Variants in ERC1 observed in about 807,000 individuals in gnomAD.
The protein encoded by ERC1 is RAB6 interacting protein 2.
ERC1 carries 56 observed loss-of-function variants against 132.0 expected under a neutral mutation model. The ratio of observed to expected loss-of-function variants is 0.42; its 90% confidence interval spans 0.34 to 0.53. The LOEUF (loss-of-function observed/expected upper bound fraction) is 0.53. Ranked by LOEUF, ERC1 falls within the 20% of genes least tolerant of loss-of-function variation. The pLI is 0.03. For synonymous variants in ERC1, 478 were observed against 476.1 expected (o/e 1.00, Z -0.05); for missense variants, 1,202 against 1,349.9 (o/e 0.89, Z 1.72).
In ERC1 at chr12:1,410,828, T is replaced by C. The variant is rs1565378647; in HGVS notation, c.3024+2581T>C. ...TAGTAATTTTATATGAAATTGGCAA[T>C]AGAAAATTGATCAAGTACTTTGCTC... On this transcript the variant is annotated intron_variant, in intron 17 of 18. Transcript: ENST00000360905. Among the ~76,000 whole-genome samples, 3 of 152,088 alleles carry C rather than the reference T, an allele frequency of 2.0e-5. No individual in the cohort carries two copies. In the East Asian group the frequency reaches 5.8e-4, roughly 29 times the overall value.
chr12:1,204,540 T>C (rs766774595), intron 12 of ERC1: 6 of 1,582,512 alleles, frequency 3.8e-6, no homozygotes, highest in Non-Finnish European at 4.3e-6. Flanking sequence ...AAAACAAAGA[T>C]GATGTGATTG....
At chr12:1,211,107 A>C (rs1272781736) in intron 12 of ERC1, among the ~76,000 whole-genome samples, 1 of 152,204 alleles carries the variant, frequency 6.6e-6, no homozygotes, top group Non-Finnish European at 1.5e-5. Flanking sequence ...TGAAACTGTT[A>C]GTGAAAAATA....
chr12:1,021,698 CAAAAAAA>C (rs1162694084), intron 1 of ERC1, among the ~76,000 whole-genome samples: 2 of 92,198 alleles, frequency 2.2e-5, no homozygotes, highest in African/African-American at 4.1e-5. Flanking sequence ...GACTCCGTCT[CAAAAAAA>C]AAAAAAAAAA....
chr12:1,379,808 T>C (rs2088417398), intron 16 of ERC1, among the ~76,000 whole-genome samples: 1 of 152,086 alleles, frequency 6.6e-6, no homozygotes, highest in African/African-American at 2.4e-5. Context: ...AGAAGTGACA[T>C]ACCATCACTT....
chr12:1,210,167 G>A (rs188850329), intron 12 of ERC1, among the ~76,000 whole-genome samples: 2 of 152,302 alleles, frequency 1.3e-5, no homozygotes, highest in Non-Finnish European at 2.9e-5. Context: ...GGCTTCTTGG[G>A]TATGGCTTAT....
chr12:1,436,962 A>C (rs1592050344), intron 17 of ERC1, among the ~76,000 whole-genome samples: 1 of 151,068 alleles, frequency 6.6e-6, no homozygotes, highest in African/African-American at 2.5e-5. Context: ...ACAGTAGGGA[A>C]GCCATTCAGA....
intron 12 of ERC1, among the ~76,000 whole-genome samples, chr12:1,215,682 T>G (rs914285720): frequency 3.3e-5 from 5 of 152,094 alleles, no homozygotes; most frequent in East Asian, 1.9e-4. Context: ...CATTTAAGCT[T>G]CTTCTTGCAG....
intron 7 of ERC1, among the ~76,000 whole-genome samples, chr12:1,126,789 A>G (rs1411856636): frequency 6.6e-6 from 1 of 152,126 alleles, no homozygotes; most frequent in African/African-American, 2.4e-5. Context: ...AGAGATCGAC[A>G]CCATTCTGGC....
At chr12:1,432,426 G>A (rs1347543137) in intron 17 of ERC1, among the ~76,000 whole-genome samples, 1 of 152,182 alleles carries the variant, frequency 6.6e-6, no homozygotes, top group Non-Finnish European at 1.5e-5. Context: ...GCCTTCACTA[G>A]CCATCCACAG....
chr12:1,444,510 T>C, intron 17 of ERC1, 52 bp from the exon 18 acceptor site: 1 of 1,328,784 alleles, frequency 7.5e-7, no homozygotes, highest in Non-Finnish European at 1.0e-6. Flanking sequence ...CATTTCAGAC[T>C]GACCTTGACT....
intron 18 of ERC1, among the ~76,000 whole-genome samples, chr12:1,464,037 G>A (rs2093693719): frequency 6.6e-6 from 1 of 152,144 alleles, no homozygotes; most frequent in South Asian, 2.1e-4. Flanking sequence ...AATGAAGTTG[G>A]GAAAAGAAAG....
intron 18 of ERC1, among the ~76,000 whole-genome samples, chr12:1,463,322 C>T (rs987429031): frequency 1.3e-5 from 2 of 152,092 alleles, no homozygotes; most frequent in Admixed American, 6.6e-5. Context: ...CTCCTGAACG[C>T]GCCTGCACAG....
intron 1 of ERC1, among the ~76,000 whole-genome samples, chr12:1,007,540 C>CTGTGTGTGTGTGTGTG (rs10570281): frequency 3.3e-5 from 4 of 122,710 alleles, no homozygotes; most frequent in South Asian, 2.6e-4. Flanking sequence ...CTCTCTCTCT[C>CTGTGTGTGTGTGTGTG]TGTGTGTGTG....
intron 11 of ERC1, among the ~76,000 whole-genome samples, chr12:1,186,077 A>G (rs768578351): frequency 6.6e-6 from 1 of 152,246 alleles, no homozygotes; most frequent in South Asian, 2.1e-4. Context: ...AAGTACCTCT[A>G]TTGCTTCCAC....
rs189932486 is a variant in ERC1, at chr12:1,198,602, C to G, written c.2351+8550C>G. On this transcript the variant is annotated intron_variant, in intron 12 of 18. Coordinates refer to ENST00000360905, the MANE Select transcript of ERC1 (RefSeq NM_178040.4). ...CCATACCTCATTGTATTAGTTCGTTCTCATGCTGCTATAAAGACATACTTG... is the reference window on the plus strand; with the variant it reads ...CCATACCTCATTGTATTAGTTCGTTGTCATGCTGCTATAAAGACATACTTG... Among the ~76,000 whole-genome samples the G allele has an allele frequency of 1.6e-3, 249 of 152,232 alleles. 2 individuals are homozygous for G. Among genetic ancestry groups the G allele is most frequent in the Non-Finnish European group, 2.9e-3 (200 of 68,012 alleles).
chr12:1,279,113 A>T (rs1211848517), intron 14 of ERC1, among the ~76,000 whole-genome samples: 2 of 152,130 alleles, frequency 1.3e-5, no homozygotes, highest in East Asian at 3.9e-4. Flanking sequence ...AGATCTTTAG[A>T]TTCATTTGCC....
intron 15 of ERC1, among the ~76,000 whole-genome samples, chr12:1,344,410 A>G (rs2084235616): frequency 6.6e-6 from 1 of 152,266 alleles, no homozygotes; most frequent in South Asian, 2.1e-4. Context: ...GCATTGAGTG[A>G]AGAAGCTGTT....
chr12:1,137,922 T>C (rs1949421742), intron 7 of ERC1, among the ~76,000 whole-genome samples: 1 of 139,240 alleles, frequency 7.2e-6, no homozygotes, highest in South Asian at 2.1e-4. Flanking sequence ...TATTATATAA[T>C]ACATATTATA....
In ERC1 at chr12:1,470,441, G is replaced by GT. The variant is rs1223825986; in HGVS notation, c.3214-19644dup. ...TTCTTATTAGTTGTTTGGGTTTGGG[G>GT]TTTTTTTTGTTTTTTTTTTTTCTTC... On this transcript the variant is annotated intron_variant, in intron 18 of 18. Transcript: ENST00000360905. 3.6e-3 allele frequency among the ~76,000 whole-genome samples: 542 copies of GT among 150,042 alleles called. 4 individuals are homozygous for GT. Among genetic ancestry groups the GT allele is most frequent in the African/African-American group, 0.013 (521 of 40,886 alleles).
Sources: allele counts gnomAD v4.1 joint callset (sites outside exome capture counted in the v4.1 genomes callset), GRCh38; gene constraint gnomAD v4.1.1; transcripts MANE v1.5; gene names NCBI Gene and HGNC (gene_info 2026-07-23, HGNC 2026-07-21).